The following DPP10 variants were observed in gnomAD, a reference collection of about 807,000 sequenced individuals.
DPP10 encodes the protein dipeptidyl peptidase like 10.
DPP10 carries 33 observed loss-of-function variants against 120.9 expected under a neutral mutation model. The observed-to-expected ratio is 0.27, with a 90% CI of 0.21 to 0.37. DPP10 has a LOEUF of 0.37. DPP10 is among the 10% of genes least tolerant of loss of function. The pLI, the probability that DPP10 is intolerant of heterozygous loss-of-function variation, is 1.00. For missense variants in DPP10, 816 were observed against 942.8 expected, an observed-to-expected ratio of 0.87 and a Z score of 1.76; for synonymous variants, 337 against 326.1, an observed-to-expected ratio of 1.03 and a Z score of -0.36.
chr2:115,274,048 C>T (rs2059810171), intron 1 of DPP10, among the ~76,000 whole-genome samples: 1 of 152,042 alleles, frequency 6.6e-6, no homozygotes, highest in Non-Finnish European at 1.5e-5. Context: ...GAGCAGGTTA[C>T]TCCTGCTTCC....
At chr2:115,221,042 GTTCAA>G (rs1353067241) in intron 1 of DPP10, among the ~76,000 whole-genome samples, 2 of 151,990 alleles carry the variant, frequency 1.3e-5, no homozygotes, top group East Asian at 1.9e-4. Context: ...GTTACAAAGT[GTTCAA>G]TTCAGTACAA....
chr2:114,537,211 G>A (rs1031866948), intron 1 of DPP10, among the ~76,000 whole-genome samples: 1 of 152,176 alleles, frequency 6.6e-6, no homozygotes, highest in African/African-American at 2.4e-5. Flanking sequence ...TCAGGGATGT[G>A]AGTTGGATAG....
At chr2:114,986,172 T>C (rs1347454530) in intron 1 of DPP10, among the ~76,000 whole-genome samples, 1 of 152,226 alleles carries the variant, frequency 6.6e-6, no homozygotes, top group Non-Finnish European at 1.5e-5. Context: ...AATCAAATGG[T>C]AAAATTTACT....
chr2:115,836,380 A>T lies in DPP10; in HGVS notation c.2050+124A>T, dbSNP rs140347691. On this transcript the variant is annotated intron_variant, in intron 22 of 25. Coordinates refer to ENST00000410059, the MANE Select transcript of DPP10 (RefSeq NM_020868.6). ...TATTAGAGCCTGTTTTCAGCTGTTT[A>T]TCTCCTCCTTGATTCAGCTGATTTT... The T allele has an allele frequency of 4.0e-3, 5,547 of 1,391,640 alleles. 207 individuals are homozygous for T. Among genetic ancestry groups the T allele is most frequent in the Non-Finnish European group, 7.3e-4 (733 of 1,005,836 alleles). The allele number at this position is 1,391,640 out of a possible 1,614,324, so 86.2% of individuals were successfully genotyped here.
intron 2 of DPP10, among the ~76,000 whole-genome samples, chr2:115,332,909 G>A (rs78827671): frequency 6.6e-6 from 1 of 152,094 alleles, no homozygotes; most frequent in African/African-American, 2.4e-5. Flanking sequence ...TGTTGATTTG[G>A]GTGGAGAGTT....
At chr2:115,029,129 T>G (rs1332643877) in intron 1 of DPP10, among the ~76,000 whole-genome samples, 1 of 152,082 alleles carries the variant, frequency 6.6e-6, no homozygotes, top group African/African-American at 2.4e-5. Flanking sequence ...TAACTCATTT[T>G]TTTCTTTTCT....
At chr2:115,381,623 G>C (rs552405685) in intron 3 of DPP10, among the ~76,000 whole-genome samples, 1 of 152,222 alleles carries the variant, frequency 6.6e-6, no homozygotes, top group Admixed American at 6.5e-5. Context: ...GAGGAGGAGA[G>C]ACGCTCTGCT....
rs191742691 is a variant in DPP10 at position 114,574,952 on chromosome 2, C to T, written c.60+132114C>T. On this transcript the variant is annotated intron_variant, in intron 1 of 25. Coordinates refer to ENST00000410059, the MANE Select transcript of DPP10 (RefSeq NM_020868.6). ...GTAAGGCAATGGAAGGTAACAGAAG[C>T]CAAGAAACAGGATCCATAAACTGAA... 2.0e-3 allele frequency among the ~76,000 whole-genome samples: 305 copies of T among 152,082 alleles called. 2 individuals are homozygous for T. The highest frequency in any genetic ancestry group is 7.0e-3 in the African/African-American group (291 of 41,448).
intron 7 of DPP10, among the ~76,000 whole-genome samples, chr2:115,715,028 C>CAAAA (rs70941091): frequency 4.4e-3 from 289 of 66,088 alleles, no homozygotes; most frequent in African/African-American, 0.016. Flanking sequence ...GACTCTGTCT[C>CAAAA]AAAAAAAAAA....
At chr2:115,072,618 C>T (rs560873955) in intron 1 of DPP10, among the ~76,000 whole-genome samples, 35 of 152,132 alleles carry the variant, frequency 2.3e-4, no homozygotes, top group Non-Finnish European at 2.5e-4. Context: ...TGTGTGCCTA[C>T]ATACAACCTC....
At chr2:114,899,494 T>A (rs950700599) in intron 1 of DPP10, among the ~76,000 whole-genome samples, 5 of 152,232 alleles carry the variant, frequency 3.3e-5, no homozygotes, top group African/African-American at 1.2e-4. Flanking sequence ...AACCACTCTT[T>A]TAACTTTTGT....
intron 1 of DPP10, among the ~76,000 whole-genome samples, chr2:114,689,812 C>T (rs866676915): frequency 5.3e-5 from 8 of 151,822 alleles, no homozygotes; most frequent in Admixed American, 4.6e-4. Context: ...TTTTGATTTG[C>T]GTTTCTCTAA....
rs190505981 is a variant in DPP10, at chr2:115,675,950, A to G, written c.442-13737A>G. On this transcript the variant is annotated intron_variant, in intron 5 of 25. Coordinates refer to ENST00000410059, the MANE Select transcript of DPP10 (RefSeq NM_020868.6). ...AGTGTTGCGCCACCAGCTGGACCCA[A>G]TAGTTCAGCTGTGACTGTTGTACTG... Among the ~76,000 whole-genome samples, 42 of 152,252 alleles carry G rather than the reference A, an allele frequency of 2.8e-4. No homozygotes were observed. The East Asian group carries it at 7.6e-3, about 27-fold the overall frequency.
intron 5 of DPP10, among the ~76,000 whole-genome samples, chr2:115,639,000 G>T (rs1487181399): frequency 6.6e-6 from 1 of 152,166 alleles, no homozygotes; most frequent in East Asian, 1.9e-4. Flanking sequence ...GGGCACTTCA[G>T]CAAGGTCTGT....
At chr2:115,655,861 A>G (rs2088268119) in intron 5 of DPP10, among the ~76,000 whole-genome samples, 1 of 151,652 alleles carries the variant, frequency 6.6e-6, no homozygotes, top group African/African-American at 2.4e-5. Flanking sequence ...GCTGAGGAGG[A>G]AGACTGAATG....
chr2:114,966,912 C>A (rs954774708), intron 1 of DPP10, among the ~76,000 whole-genome samples: 3 of 152,018 alleles, frequency 2.0e-5, no homozygotes, highest in Non-Finnish European at 2.9e-5. Context: ...TGTAGTGGCT[C>A]ATGCCTGTAA....
intron 1 of DPP10, among the ~76,000 whole-genome samples, chr2:114,539,546 T>C (rs1441666640): frequency 1.3e-4 from 20 of 152,326 alleles, no homozygotes; most frequent in Admixed American, 3.9e-4. Context: ...GTGCTTTCTT[T>C]GCTCAGGTTC....
At position 115,099,544 on chromosome 2, in the gene DPP10, C is replaced by A. The variant is rs142319332; in HGVS notation, c.61-209695C>A. Among the ~76,000 whole-genome samples the A allele has an allele frequency of 1.4e-3, 206 of 152,214 alleles. 2 individuals carry two copies. The highest frequency in any genetic ancestry group is 4.7e-3 in the African/African-American group (194 of 41,534). ...TTTGTGGCCCCTCAAGGTCAAGGAC[C>A]TTTAAACCTCTAGAACCAAGAACTG... On this transcript the variant is annotated intron_variant, in intron 1 of 25. Transcript: ENST00000410059.
intron 3 of DPP10, among the ~76,000 whole-genome samples, chr2:115,416,569 A>G (rs547141812): frequency 4.6e-5 from 7 of 152,296 alleles, no homozygotes; most frequent in African/African-American, 1.7e-4. Context: ...CATTCCCGGT[A>G]TCAAGTTCTT....
Sources: allele counts gnomAD v4.1 joint callset (sites outside exome capture counted in the v4.1 genomes callset), GRCh38; gene constraint gnomAD v4.1.1; transcripts MANE v1.5; gene names NCBI Gene and HGNC (gene_info 2026-07-23, HGNC 2026-07-21).